The following AGRN variants were observed in gnomAD, a reference collection of about 807,000 sequenced individuals.
The protein encoded by AGRN is agrin proteoglycan.
Under a neutral mutation model 211.0 loss-of-function variants are expected in AGRN, and 106 were observed. That is an observed-to-expected ratio of 0.50 (90% CI 0.43 to 0.59). AGRN has a LOEUF of 0.59. Ranked by LOEUF, AGRN falls within the 20% of genes least tolerant of loss-of-function variation. The pLI, the probability that AGRN is intolerant of heterozygous loss-of-function variation, is 0.00. For synonymous variants in AGRN, 1,525 were observed against 1,332.5 expected (o/e 1.14, Z -3.15); for missense variants, 3,040 against 2,982.6 (o/e 1.02, Z -0.45).
intron 15 of AGRN, 22 bp downstream of exon 15, chr1:1,045,898 C>T (rs978493273): frequency 6.2e-7 from 1 of 1,610,464 alleles, no homozygotes; most frequent in Non-Finnish European, 8.5e-7. Context: ...CCAGCGCTAC[C>T]CTGGGGCTTC....
intron 33 of AGRN, 96 bp from the exon 34 acceptor site, chr1:1,053,657 T>G: frequency 6.7e-7 from 1 of 1,496,322 alleles, no homozygotes; most frequent in South Asian, 1.2e-5. Flanking sequence ...TCACAGCCCT[T>G]GTGGCCTCCG....
intron 7 of AGRN, 130 bp from the exon 8 acceptor site, chr1:1,043,109 G>A (rs1570203673): frequency 3.9e-6 from 4 of 1,014,028 alleles, no homozygotes; most frequent in East Asian, 2.6e-5. Context: ...TGTGCATCTG[G>A]CCCTTCTCCT....
intron 12 of AGRN, among the ~76,000 whole-genome samples, chr1:1,044,759 T>A (rs1466213707): frequency 6.6e-6 from 1 of 152,170 alleles, no homozygotes; most frequent in Admixed American, 6.5e-5. Flanking sequence ...TAGGTAAAAG[T>A]GGTGCCCGGT....
rs1214476569 is a variant in AGRN at position 1,043,887 on chromosome 1, C to T, written c.1863C>T (p.Pro621=). 5.6e-6 allele frequency: 9 copies of T among 1,611,144 alleles called. No homozygotes were observed. Among genetic ancestry groups the T allele is most frequent in the Non-Finnish European group, 6.8e-6 (8 of 1,179,734 alleles). Residue 621 remains proline (P), a synonymous_variant, in exon 10 of 36, where the codon CCC becomes CCT. Transcript: ENST00000379370. ...AVCSAGQCVC[P]RCEHPPPGPV... is the part of the protein sequence containing the mutation. Reference sequence around the variant, plus strand: ...GCTCCGCAGGGCAGTGTGTGTGTCCCCGGTGTGAGCACCCCCCGCCCGGCC... The same window carrying T: ...GCTCCGCAGGGCAGTGTGTGTGTCCTCGGTGTGAGCACCCCCCGCCCGGCC...
intron 7 of AGRN, 79 bp downstream of exon 7, chr1:1,042,241 C>T (rs1287162514): frequency 1.4e-6 from 2 of 1,472,488 alleles, no homozygotes; most frequent in Middle Eastern, 2.0e-4. Context: ...ATGCCATCTT[C>T]ATCCATCATG....
chr1:1,051,492 G>A lies in AGRN; in HGVS notation c.5410G>A (p.Val1804Met), dbSNP rs754158999. ...GGRQLLTPEH[V>M]LRQVDVTSFA... ...CCGCCAGCTGCTGACCCCGGAGCAC[G>A]TGCTGCGGCAGGTGGACGTCACGTC... Residue 1804 changes from valine (V) to methionine (M), a missense_variant, in exon 32 of 36, where the codon GTG becomes ATG. This residue lies in a region of AGRN where 1,537 missense variants were observed against 1,505.0 expected (regional missense o/e 1.02). Coordinates refer to ENST00000379370, the MANE Select transcript of AGRN (RefSeq NM_198576.4). The A allele has an allele frequency of 4.1e-5, 65 of 1,570,686 alleles. No homozygotes were observed. The highest frequency in any genetic ancestry group is 2.1e-4 in the South Asian group (18 of 87,230).
In AGRN at chr1:1,046,738, G is replaced by A. The variant is rs775906163; in HGVS notation, c.3250+3G>A. 4 of 1,580,802 alleles carry A rather than the reference G, an allele frequency of 2.5e-6. No individual in the cohort carries two copies. The East Asian group carries it at 6.8e-5, about 27-fold the overall frequency. On this transcript the variant is annotated splice_donor_region_variant and intron_variant, in intron 18 of 35. Transcript: ENST00000379370. ...GGCCAGTGGGGGTGGCTCTGGGGGTGAGCAGGGATCAAGGACTTGGGGTGG... is the reference window on the plus strand; with the variant it reads ...GGCCAGTGGGGGTGGCTCTGGGGGTAAGCAGGGATCAAGGACTTGGGGTGG...
rs1307163473 is a variant in AGRN, at chr1:1,049,376, G to A, written c.4439G>A (p.Ser1480Asn). 1.3e-6 allele frequency: 2 copies of A among 1,598,854 alleles called. No individual in the cohort carries two copies. The highest frequency in any genetic ancestry group is 1.7e-6 in the Non-Finnish European group (2 of 1,179,752). ...GGTGAGACCCCTGTTCTGGGCGAGA[G>A]TCCCAGTGGCACCGACGGCCTCAAC... ...VDGETPVLGE[S>N]PSGTDGLNLD... The change falls in exon 25 of 36, where the codon AGT (serine) becomes AAT (asparagine). Residue 1480 changes from serine to asparagine, a missense_variant. Ser to Asn is a conservative substitution (Grantham distance 46, BLOSUM62 1). This residue lies in a region of AGRN where 1,537 missense variants were observed against 1,505.0 expected (regional missense o/e 1.02). Transcript: ENST00000379370.
At chr1:1,022,157 C>T in intron 1 of AGRN, 44 bp from the exon 2 acceptor site, 1 of 1,612,154 alleles carries the variant, frequency 6.2e-7, no homozygotes, top group Non-Finnish European at 8.5e-7. Context: ...CTAGCCCCTT[C>T]CCCAGGAGAG....
chr1:1,032,310 C>G lies in AGRN; in HGVS notation c.464-2967C>G, dbSNP rs1004666055. 3.9e-5 allele frequency among the ~76,000 whole-genome samples: 6 copies of G among 152,224 alleles called. No individual in the cohort carries two copies. The highest frequency in any genetic ancestry group is 6.5e-5 in the Admixed American group (1 of 15,286). On this transcript the variant is annotated intron_variant, in intron 2 of 35. Transcript: ENST00000379370. The surrounding 1 kb of genome is among the most constrained non-coding windows in gnomAD (Gnocchi z 4.7). ...CTGGGTGATGGGGCATGGTGCTGGT[C>G]CCTGGCTGTGGGGTGGAAAGGAGTC...
chr1:1,036,625 G>A (rs1326115042), intron 3 of AGRN, among the ~76,000 whole-genome samples: 3 of 152,106 alleles, frequency 2.0e-5, no homozygotes, highest in Admixed American at 6.5e-5. Context: ...AATGGGGAAT[G>A]GTGGCTGTGG....
chr1:1,054,317 C>G (rs1645393744), intron 34 of AGRN, 131 bp from the exon 35 acceptor site: 2 of 868,044 alleles, frequency 2.3e-6, no homozygotes, highest in Non-Finnish European at 3.6e-6. Flanking sequence ...ATCCTTGCCC[C>G]CAGGGGTGAT....
intron 24 of AGRN, 23 bp downstream of exon 24, chr1:1,049,082 C>A (rs759362532): frequency 6.2e-6 from 6 of 973,186 alleles, no homozygotes; most frequent in East Asian, 6.1e-5. Flanking sequence ...GGGACGGGGC[C>A]GGGGCAGCTC....
intron 3 of AGRN, among the ~76,000 whole-genome samples, chr1:1,037,166 G>A (rs1260952883): frequency 6.6e-6 from 1 of 152,208 alleles, no homozygotes; most frequent in East Asian, 1.9e-4. Flanking sequence ...CTGGGGCCGG[G>A]CAGGGCCAGG....
At chr1:1,054,392 A>G in intron 34 of AGRN, 56 bp from the exon 35 acceptor site, 2 of 1,446,934 alleles carry the variant, frequency 1.4e-6, no homozygotes, top group Non-Finnish European at 1.9e-6. Context: ...CTTATGGTCT[A>G]GAGGAGGCAG....
chr1:1,034,927 G>A (rs1361279892), intron 2 of AGRN: 2 of 422,022 alleles, frequency 4.7e-6, no homozygotes, highest in Non-Finnish European at 8.6e-6. Context: ...GAGCTGGGGA[G>A]GGAGGGGCAG....
Position 1,041,218 on chromosome 1 carries a change from C to T in AGRN, c.773C>T (p.Thr258Ile), listed in dbSNP as rs200607541. The T allele has an allele frequency of 1.3e-3, 1,858 of 1,471,100 alleles. 14 individuals are homozygous for T. In the East Asian group the frequency reaches 0.017, roughly 14 times the overall value. The allele number at this position is 1,471,100 out of a possible 1,614,324, so 91.1% of individuals were successfully genotyped here. A position where few individuals can be genotyped will look rare whatever the true frequency, so the allele number is the denominator to read the frequency against. Residue 258 changes from threonine to isoleucine, a missense_variant, in exon 5 of 36, where the codon ACC becomes ATC. Coordinates refer to ENST00000379370, the MANE Select transcript of AGRN (RefSeq NM_198576.4). ...CSNVTCSFGSTCARSADGLTA... is the reference protein window; with the variant it reads ...CSNVTCSFGSICARSADGLTA... ...AACGTGACCTGCAGCTTCGGCAGCA[C>T]CTGTGCGCGCTCGGCCGACGGGCTG...
In AGRN at chr1:1,050,705, C is replaced by CA. The variant is rs1477161473; in HGVS notation, c.5142-20dup. Reference sequence around the variant, plus strand: ...TGGCCGGTGGTGGACAGAGCCCACTCACGCTGCCCCTCCTCACCAGGAGCA... The same window carrying CA: ...TGGCCGGTGGTGGACAGAGCCCACTCAACGCTGCCCCTCCTCACCAGGAGCA... On this transcript the variant is annotated intron_variant, in intron 29 of 35. Coordinates refer to ENST00000379370, the MANE Select transcript of AGRN (RefSeq NM_198576.4). The CA allele has an allele frequency of 7.5e-6, 12 of 1,599,698 alleles. No individual in the cohort carries two copies. The Admixed American group carries it at 1.5e-4, about 21-fold the overall frequency.
At chr1:1,054,744 C>A (rs1645405737) in intron 35 of AGRN, 80 bp from the exon 36 acceptor site, 2 of 1,526,376 alleles carry the variant, frequency 1.3e-6, no homozygotes, top group Admixed American at 3.9e-5. Context: ...GTGTGGGCCC[C>A]CTGCTGGTCA....
Sources: allele counts gnomAD v4.1 joint callset (sites outside exome capture counted in the v4.1 genomes callset), GRCh38; gene constraint gnomAD v4.1.1; regional missense constraint gnomAD v4.1.1; non-coding constraint Gnocchi (gnomAD v3.1); transcripts MANE v1.5; gene names NCBI Gene and HGNC (gene_info 2026-07-23, HGNC 2026-07-21).